ATP2C1: variants seen among roughly 807,000 people sequenced by gnomAD.
The protein encoded by ATP2C1 is calcium-transporting ATPase type 2C member 1.
A neutral mutation model predicts 120.5 loss-of-function variants in ATP2C1; 31 were observed. The observed-to-expected ratio is 0.26, with a 90% CI of 0.19 to 0.35. The LOEUF (loss-of-function observed/expected upper bound fraction) is 0.35. Among genes scored for constraint, ATP2C1 ranks in the 10% least tolerant of loss-of-function variants. ATP2C1 has a pLI of 1.00. For synonymous variants in ATP2C1, 351 were observed against 358.7 expected, an observed-to-expected ratio of 0.98 and a Z score of 0.24; for missense variants, 731 against 1,107.5, an observed-to-expected ratio of 0.66 and a Z score of 4.83.
chr3:130,957,090 T>G (rs544108276), intron 11 of ATP2C1, among the ~76,000 whole-genome samples: 1 of 152,312 alleles, frequency 6.6e-6, no homozygotes, highest in East Asian at 1.9e-4. Context: ...CTTATTTATA[T>G]CCTACTGCTC....
intron 19 of ATP2C1, among the ~76,000 whole-genome samples, chr3:130,979,995 G>T (rs1336757111): frequency 6.6e-6 from 1 of 152,158 alleles, no homozygotes; most frequent in Non-Finnish European, 1.5e-5. Flanking sequence ...AGAGGGGCTA[G>T]TCCAGGAGTT....
At chr3:130,865,714 GCCA>G (rs1156410256) in intron 1 of ATP2C1, among the ~76,000 whole-genome samples, 7 of 152,152 alleles carry the variant, frequency 4.6e-5, no homozygotes, top group Non-Finnish European at 8.8e-5. Context: ...TTCTGTTGCT[GCCA>G]CCATGTAAGA....
chr3:130,974,293 TC>T (rs1229192386), intron 17 of ATP2C1, among the ~76,000 whole-genome samples: 1 of 152,232 alleles, frequency 6.6e-6, no homozygotes, highest in African/African-American at 2.4e-5. Flanking sequence ...CATCATGCTC[TC>T]CTGCTGCCTC....
At chr3:130,900,971 C>T (rs1301917872) in intron 2 of ATP2C1, among the ~76,000 whole-genome samples, 1 of 152,136 alleles carries the variant, frequency 6.6e-6, no homozygotes, top group African/African-American at 2.4e-5. Flanking sequence ...TACCTGCCTT[C>T]ATCTAGGTTT....
chr3:130,850,981 G>A, intron 1 of ATP2C1: 1 of 1,002,794 alleles, frequency 1.0e-6, no homozygotes, highest in Non-Finnish European at 1.3e-6. Flanking sequence ...GTTCCTTGTT[G>A]CTTTTACGTC....
intron 20 of ATP2C1, among the ~76,000 whole-genome samples, chr3:130,982,632 A>G (rs551608459): frequency 6.6e-6 from 1 of 152,342 alleles, no homozygotes; most frequent in East Asian, 1.9e-4. Flanking sequence ...GCTATTTTGT[A>G]GCCATCCATT....
chr3:130,894,708 T>G lies in ATP2C1; in HGVS notation c.-62T>G. ...CTCCTCCTCTCCTCTCTATTCCCAG[T>G]GTGGCCGTGGCTGACACTAAAGACT... On this transcript the variant is annotated 5_prime_UTR_variant, in exon 2 of 28. Transcript: ENST00000510168. The surrounding 1 kb of genome is among the most constrained non-coding windows in gnomAD (Gnocchi z 4.5). The G allele has an allele frequency of 1.2e-6, 2 of 1,614,068 alleles. No individual in the cohort carries two copies. The highest frequency in any genetic ancestry group is 1.7e-4 in the Middle Eastern group (1 of 6,060).
chr3:130,872,935 G>A (rs2068483062), intron 1 of ATP2C1, among the ~76,000 whole-genome samples: 1 of 152,078 alleles, frequency 6.6e-6, no homozygotes, highest in Middle Eastern at 3.4e-3. Context: ...TCTAGAAGAG[G>A]GTCTGCTTGG....
chr3:130,907,180 C>G (rs1477768420), intron 2 of ATP2C1, among the ~76,000 whole-genome samples: 6 of 151,972 alleles, frequency 3.9e-5, no homozygotes, highest in Non-Finnish European at 5.9e-5. Flanking sequence ...TAAGAGTGTT[C>G]ACTGCAGCAA....
At chr3:130,873,162 A>G (rs574517569) in intron 1 of ATP2C1, among the ~76,000 whole-genome samples, 92 of 152,372 alleles carry the variant, frequency 6.0e-4, no homozygotes, top group Middle Eastern at 3.4e-3. Flanking sequence ...GCAAGAATTT[A>G]ACAAACAAAA....
At chr3:130,956,533 T>A (rs548070266) in intron 11 of ATP2C1, among the ~76,000 whole-genome samples, 1 of 152,200 alleles carries the variant, frequency 6.6e-6, no homozygotes, top group South Asian at 2.1e-4. Context: ...ATAAAGGTTG[T>A]ATAGTTTTCT....
chr3:130,914,284 CTTTAG>C (rs1407042578), intron 2 of ATP2C1: 2 of 150,500 alleles, frequency 1.3e-5, no homozygotes, highest in African/African-American at 4.9e-5. Context: ...CATTTTTGTT[CTTTAG>C]TTTAAGGCTT....
intron 12 of ATP2C1, among the ~76,000 whole-genome samples, chr3:130,961,448 C>T (rs2060815202): frequency 6.6e-6 from 1 of 151,764 alleles, no homozygotes; most frequent in Non-Finnish European, 1.5e-5. Context: ...CTTTAATGAT[C>T]CTATTTTTCC....
chr3:130,992,519 A>G (rs2062404397), intron 20 of ATP2C1, among the ~76,000 whole-genome samples: 1 of 152,236 alleles, frequency 6.6e-6, no homozygotes, highest in African/African-American at 2.4e-5. Flanking sequence ...GACACTTGAC[A>G]CTGTAAAAAA....
chr3:130,965,157 AGTG>A lies in ATP2C1; in HGVS notation c.1122+114_1122+116del, dbSNP rs1416041380. On this transcript the variant is annotated intron_variant, in intron 14 of 27. Transcript: ENST00000510168. Reference sequence around the variant, plus strand: ...ACCTTCAAAAGGGCTGTAAATTAGTAGTGGAGTTATTTTCTCTCTCTGTGATTT... The same window carrying A: ...ACCTTCAAAAGGGCTGTAAATTAGTAGAGTTATTTTCTCTCTCTGTGATTT... 4.1e-6 allele frequency: 3 copies of A among 734,704 alleles called. No homozygotes were observed. The Admixed American group carries it at 6.1e-5, about 15-fold the overall frequency. The allele number at this position is 734,704 out of a possible 1,614,324, so 45.5% of individuals were successfully genotyped here.
Position 130,918,379 on chromosome 3 carries a change from T to A in ATP2C1, c.7-12037T>A, listed in dbSNP as rs534349148. On this transcript the variant is annotated intron_variant, in intron 2 of 27. Coordinates refer to ENST00000510168, the MANE Select transcript of ATP2C1 (RefSeq NM_001378687.1). ...CACTTTGCACATCGGAAATAGTTTT[T>A]GTTCCAGGGCTTTCCAGCTCCAGTT... is the stretch of plus-strand genomic sequence containing the variant. 2.7e-6 allele frequency: 4 copies of A among 1,462,820 alleles called. No individual in the cohort carries two copies. The African/African-American group carries it at 4.2e-5, about 15-fold the overall frequency. 90.6% of individuals were successfully genotyped at this position (1,462,820 alleles called of 1,614,324 possible). A position where few individuals can be genotyped will look rare whatever the true frequency, so the allele number is the denominator to read the frequency against.
At chr3:130,932,373 C>T (rs988145955) in intron 4 of ATP2C1, among the ~76,000 whole-genome samples, 9 of 152,032 alleles carry the variant, frequency 5.9e-5, no homozygotes, top group African/African-American at 1.9e-4. Flanking sequence ...AAAGATAATA[C>T]TGTTGACAGT....
At chr3:130,975,534 T>G in intron 18 of ATP2C1, 46 bp downstream of exon 18, 1 of 1,586,570 alleles carries the variant, frequency 6.3e-7, no homozygotes, top group Non-Finnish European at 8.6e-7. Context: ...AGGTAGAGCC[T>G]TCTTTTAATT....
intron 2 of ATP2C1, among the ~76,000 whole-genome samples, chr3:130,903,604 T>A (rs542615016): frequency 6.6e-6 from 1 of 151,896 alleles, no homozygotes; most frequent in East Asian, 1.9e-4. Context: ...AAAAAAACTT[T>A]CTTTCTTTCT....
Sources: gnomAD v4.1 joint callset for allele counts (sites outside exome capture counted in the v4.1 genomes callset) on GRCh38, gnomAD v4.1.1 for gene constraint, Gnocchi (gnomAD v3.1) non-coding constraint, MANE v1.5 for transcripts, NCBI Gene and HGNC (gene_info 2026-07-23, HGNC 2026-07-21) for gene names.